Variants in LMBR1 observed in about 807,000 individuals in gnomAD.
LMBR1 encodes limb development membrane protein 1, also known as limb region 1 protein homolog.
LMBR1 carries 52 observed loss-of-function variants against 73.9 expected under a neutral mutation model. The ratio of observed to expected loss-of-function variants is 0.70; its 90% CI spans 0.56 to 0.89. LMBR1 has a LOEUF of 0.89. Ranked by LOEUF, LMBR1 falls within the 40% of genes least tolerant of loss-of-function variation. The pLI is 0.00. For synonymous variants in LMBR1, 215 were observed against 209.4 expected, an observed-to-expected ratio of 1.03 and a Z score of -0.23; for missense variants, 539 against 579.8, an observed-to-expected ratio of 0.93 and a Z score of 0.72.
intron 1 of LMBR1, among the ~76,000 whole-genome samples, chr7:156,875,961 G>C (rs1324408580): frequency 6.6e-6 from 1 of 150,464 alleles, no homozygotes; most frequent in African/African-American, 2.4e-5. Flanking sequence ...GAATGGAATA[G>C]TACCTCAAAT....
At chr7:156,876,457 T>C (rs965192322) in intron 1 of LMBR1, among the ~76,000 whole-genome samples, 2 of 152,162 alleles carry the variant, frequency 1.3e-5, no homozygotes, top group Non-Finnish European at 2.9e-5. Context: ...AACTATACCC[T>C]GGAACAAATG....
At chr7:156,677,723 TAC>T (rs1480182334), downstream of LMBR1, 1 of 152,354 alleles carries the variant, frequency 6.6e-6, no homozygotes, top group African/African-American at 2.4e-5. Context: ...TTTTGTGATG[TAC>T]ACATTATATA....
At chr7:156,855,393 A>AC (rs1356795326) in intron 1 of LMBR1, among the ~76,000 whole-genome samples, 3 of 152,174 alleles carry the variant, frequency 2.0e-5, no homozygotes, top group Admixed American at 6.5e-5. Context: ...CCATCTCTTA[A>AC]CACCATAGCA....
intron 1 of LMBR1, among the ~76,000 whole-genome samples, chr7:156,883,958 A>G (rs551043909): frequency 6.6e-6 from 1 of 152,360 alleles, no homozygotes; most frequent in South Asian, 2.1e-4. Flanking sequence ...TACCACATGG[A>G]TTACCAACTT....
At chr7:156,712,901 T>C (rs1265145518) in intron 15 of LMBR1, among the ~76,000 whole-genome samples, 1 of 152,156 alleles carries the variant, frequency 6.6e-6, no homozygotes, top group Non-Finnish European at 1.5e-5. Context: ...AATTATTTAA[T>C]GGGCATAGTG....
chr7:156,767,592 C>T (rs1824325122), intron 5 of LMBR1, among the ~76,000 whole-genome samples: 1 of 151,782 alleles, frequency 6.6e-6, no homozygotes, highest in Admixed American at 6.6e-5. Context: ...TACCACTAAT[C>T]TTACTAGTAT....
intron 3 of LMBR1, among the ~76,000 whole-genome samples, chr7:156,831,814 C>A (rs887180938): frequency 6.6e-6 from 1 of 152,194 alleles, no homozygotes; most frequent in Admixed American, 6.5e-5. Context: ...TTATAAATTA[C>A]GGATCTACGA....
chr7:156,727,879 G>T, intron 12 of LMBR1, 51 bp downstream of exon 12: 1 of 1,257,576 alleles, frequency 8.0e-7, no homozygotes, highest in Non-Finnish European at 1.2e-6. Flanking sequence ...TCAGGGTATA[G>T]ACATAGAATA....
At chr7:156,687,738 G>A (rs1031103858) in intron 16 of LMBR1, among the ~76,000 whole-genome samples, 1 of 152,022 alleles carries the variant, frequency 6.6e-6, no homozygotes, top group African/African-American at 2.4e-5. Flanking sequence ...ATAATAAAGG[G>A]GCTAATATTT....
At chr7:156,704,511 A>G (rs1810487426) in intron 15 of LMBR1, among the ~76,000 whole-genome samples, 2 of 152,192 alleles carry the variant, frequency 1.3e-5, no homozygotes, top group African/African-American at 4.8e-5. Context: ...ATGCGCAGAA[A>G]TCAATGTAAA....
chr7:156,711,263 A>T (rs1812030258), intron 15 of LMBR1, among the ~76,000 whole-genome samples: 1 of 152,194 alleles, frequency 6.6e-6, no homozygotes, highest in Admixed American at 6.5e-5. Context: ...GTGAGCCAAG[A>T]TTACGCCACT....
chr7:156,794,715 T>C (rs1011144181), intron 5 of LMBR1, among the ~76,000 whole-genome samples: 1 of 152,220 alleles, frequency 6.6e-6, no homozygotes, highest in African/African-American at 2.4e-5. Flanking sequence ...TATGTGGTAC[T>C]ATTACACAAG....
chr7:156,773,741 A>C (rs2133087365), intron 5 of LMBR1, among the ~76,000 whole-genome samples: 1 of 152,298 alleles, frequency 6.6e-6, no homozygotes, highest in African/African-American at 2.4e-5. Flanking sequence ...TAAAACCGTT[A>C]AAAACCCTGG....
intron 4 of LMBR1, among the ~76,000 whole-genome samples, chr7:156,819,926 G>C (rs747580306): frequency 6.6e-6 from 1 of 152,182 alleles, no homozygotes; most frequent in African/African-American, 2.4e-5. Flanking sequence ...ATTATGGTGG[G>C]AAAGACCAAG....
At chr7:156,838,626 C>A (rs1289214688) in intron 1 of LMBR1, among the ~76,000 whole-genome samples, 1 of 152,204 alleles carries the variant, frequency 6.6e-6, no homozygotes, top group Middle Eastern at 3.2e-3. Context: ...TGCTGGCAGA[C>A]ACTTAGGTTG....
At chr7:156,713,247 G>A (rs534059106) in intron 15 of LMBR1, among the ~76,000 whole-genome samples, 1 of 151,892 alleles carries the variant, frequency 6.6e-6, no homozygotes, top group East Asian at 1.9e-4. Flanking sequence ...AGAGAGAGAG[G>A]GATAAATAGA....
chr7:156,841,572 C>G (rs1399652412), intron 1 of LMBR1, among the ~76,000 whole-genome samples: 1 of 152,094 alleles, frequency 6.6e-6, no homozygotes, highest in Non-Finnish European at 1.5e-5. Context: ...AACCAAGAGA[C>G]TAGATGTCTT....
rs751941457 is a variant in LMBR1 at position 156,734,207 on chromosome 7, C to G, written c.808G>C (p.Glu270Gln). 1.2e-6 allele frequency: 2 copies of G among 1,609,150 alleles called. No individual in the cohort carries two copies. The highest frequency in any genetic ancestry group is 1.7e-5 in the Admixed American group (1 of 58,916). The change falls in exon 10 of 17, where the codon GAA (glutamate) becomes CAA (glutamine). Residue 270 changes from glutamate to glutamine, a missense_variant. By Grantham distance (29) the Glu-to-Gln change is conservative. Coordinates refer to ENST00000353442, the MANE Select transcript of LMBR1 (RefSeq NM_022458.4). ...TTTGTCTTAAGAGTCTTTACATTTT[C>G]AAGTTCTTGTTCCAACTCCATTATG... ...YNIMELEQEL[E>Q]NVKTLKTKLE...
chr7:156,779,544 G>C lies in LMBR1; in HGVS notation c.424-15749C>G, dbSNP rs529780075. 56 of 296,566 alleles carry C rather than the reference G, an allele frequency of 1.9e-4. No individual in the cohort carries two copies. The highest frequency in any genetic ancestry group is 1.1e-3 in the African/African-American group (52 of 46,870). The allele number at this position is 296,566 out of a possible 1,614,324, so 18.4% of individuals were successfully genotyped here. ...TTTAGATTTAAATGGGAACTAAATG[G>C]ATAGTCTACTACACTCAAATGGTTA... On this transcript the variant is annotated intron_variant, in intron 5 of 16. Transcript: ENST00000353442.
Sources: allele counts gnomAD v4.1 joint callset (sites outside exome capture counted in the v4.1 genomes callset), GRCh38; gene constraint gnomAD v4.1.1; transcripts MANE v1.5; gene names NCBI Gene and HGNC (gene_info 2026-07-23, HGNC 2026-07-21).